Variants in SUCLG2 observed in about 807,000 individuals in gnomAD.
The protein encoded by SUCLG2 is succinate-CoA ligase GDP-forming subunit beta, also known as succinate--CoA ligase [GDP-forming] subunit beta, mitochondrial.
A neutral mutation model predicts 47.9 loss-of-function variants in SUCLG2; 42 were observed. That is an observed-to-expected ratio of 0.88 (90% CI 0.69 to 1.14). SUCLG2 has a LOEUF of 1.14. Among genes scored for constraint, SUCLG2 ranks in the 50% most tolerant of loss-of-function variants. The pLI, the probability that SUCLG2 is intolerant of heterozygous loss-of-function variation, is 0.00. For missense variants in SUCLG2, 571 were observed against 525.9 expected (o/e 1.09, Z -0.84); for synonymous variants, 195 against 197.3 (o/e 0.99, Z 0.10).
At chr3:67,652,419 T>C (rs1368749301) in intron 1 of SUCLG2, among the ~76,000 whole-genome samples, 1 of 152,146 alleles carries the variant, frequency 6.6e-6, no homozygotes, top group East Asian at 1.9e-4. Flanking sequence ...TTCTTAAGTA[T>C]GATGAGAGAA....
intron 6 of SUCLG2, among the ~76,000 whole-genome samples, chr3:67,517,684 C>G: frequency 6.6e-6 from 1 of 152,198 alleles, no homozygotes; most frequent in East Asian, 1.9e-4. Context: ...ATATTTTAAG[C>G]TGTTCTCAAT....
chr3:67,650,263 G>A (rs116543245), intron 1 of SUCLG2, among the ~76,000 whole-genome samples: 3,403 of 152,286 alleles, frequency 0.022, 118 homozygotes, highest in African/African-American at 0.078. Flanking sequence ...ATAACCTTTA[G>A]TCCTTCACTT....
chr3:67,405,275 T>G (rs929529972), intron 9 of SUCLG2, among the ~76,000 whole-genome samples: 16 of 152,200 alleles, frequency 1.1e-4, no homozygotes, highest in African/African-American at 3.4e-4. Flanking sequence ...GTGTTTTGCT[T>G]TGCAAAACAC....
chr3:67,639,180 A>C (rs1237380793), intron 1 of SUCLG2, among the ~76,000 whole-genome samples: 1 of 152,212 alleles, frequency 6.6e-6, no homozygotes, highest in Non-Finnish European at 1.5e-5. Context: ...ACATTCGAAA[A>C]AAATGTATAT....
chr3:67,454,186 C>A (rs1704125179), intron 9 of SUCLG2, among the ~76,000 whole-genome samples: 1 of 152,130 alleles, frequency 6.6e-6, no homozygotes, highest in Non-Finnish European at 1.5e-5. Flanking sequence ...CATTCTAAAT[C>A]ATGAGCTCTT....
chr3:67,394,147 C>A (rs1284155185), intron 10 of SUCLG2, among the ~76,000 whole-genome samples: 14 of 152,278 alleles, frequency 9.2e-5, no homozygotes, highest in Admixed American at 2.0e-4. Context: ...AGTTCCTCAC[C>A]AGCAACAGAA....
chr3:67,577,338 T>G (rs1437935407), intron 2 of SUCLG2, among the ~76,000 whole-genome samples: 3 of 151,908 alleles, frequency 2.0e-5, no homozygotes, highest in Non-Finnish European at 4.4e-5. Context: ...GTGCTTATAC[T>G]GAAGTTACAA....
At position 67,403,653 on chromosome 3, in the gene SUCLG2, T is replaced by C. The variant is rs994030748; in HGVS notation, c.1063-2802A>G. Among the ~76,000 whole-genome samples, 14 of 152,060 alleles carry C rather than the reference T, an allele frequency of 9.2e-5. No homozygotes were observed. The South Asian group carries it at 2.9e-3, about 32-fold the overall frequency. On this transcript the variant is annotated intron_variant, in intron 9 of 10. Coordinates refer to ENST00000307227, the MANE Select transcript of SUCLG2 (RefSeq NM_003848.4). ...GAGGCGGTGATGCAGGCTGCTGACATGACAGAGGATTTTTGGAATAGGTGA... is the reference window on the plus strand; with the variant it reads ...GAGGCGGTGATGCAGGCTGCTGACACGACAGAGGATTTTTGGAATAGGTGA...
At chr3:67,433,169 C>A (rs1703530403) in intron 9 of SUCLG2, among the ~76,000 whole-genome samples, 1 of 152,012 alleles carries the variant, frequency 6.6e-6, no homozygotes, top group African/African-American at 2.4e-5. Context: ...TTCAAAATAG[C>A]CCTTCTATAA....
chr3:67,374,608 C>A, downstream of SUCLG2: 1 of 284,768 alleles, frequency 3.5e-6, no homozygotes, highest in Non-Finnish European at 5.3e-6. Flanking sequence ...CTGGAATGAC[C>A]CAAATTATCA....
intron 1 of SUCLG2, among the ~76,000 whole-genome samples, chr3:67,612,452 C>A (rs1042536854): frequency 3.3e-5 from 5 of 151,906 alleles, no homozygotes; most frequent in African/African-American, 1.2e-4. Context: ...AAGAAATCTG[C>A]TATGCAAATG....
At chr3:67,498,491 G>A (rs1246029879) in intron 7 of SUCLG2, among the ~76,000 whole-genome samples, 196 bp from the exon 8 acceptor site, 1 of 152,036 alleles carries the variant, frequency 6.6e-6, no homozygotes. Context: ...AGGGACTTAC[G>A]TTCTAGTAAA....
chr3:67,645,789 T>G (rs751369589), intron 1 of SUCLG2, among the ~76,000 whole-genome samples: 1 of 151,748 alleles, frequency 6.6e-6, no homozygotes, highest in African/African-American at 2.4e-5. Context: ...CTATGAGAAC[T>G]GGTTTTCCCC....
At chr3:67,514,264 A>G in intron 6 of SUCLG2, 1 of 427,786 alleles carries the variant, frequency 2.3e-6, no homozygotes, top group Non-Finnish European at 4.7e-6. Context: ...TGACAGGAAT[A>G]GGAAAGAAAA....
In SUCLG2 at chr3:67,645,644, A is replaced by G. The variant is rs1173298478; in HGVS notation, c.84+8859T>C. The stretch of plus-strand genomic sequence containing the variant: ...TTCAATTTTAATGATACATCACTTT[A>G]AAAGAGCCCTGAATCTTAACAAAGA... On this transcript the variant is annotated intron_variant, in intron 1 of 10. Coordinates refer to ENST00000307227, the MANE Select transcript of SUCLG2 (RefSeq NM_003848.4). Among the ~76,000 whole-genome samples, 4 of 152,194 alleles carry G rather than the reference A, an allele frequency of 2.6e-5. No homozygotes were observed. The East Asian group carries it at 7.8e-4, about 30-fold the overall frequency.
chr3:67,524,626 T>A (rs1706206060), intron 4 of SUCLG2, among the ~76,000 whole-genome samples: 1 of 152,204 alleles, frequency 6.6e-6, no homozygotes, highest in Admixed American at 6.5e-5. Context: ...AAATTTAGAA[T>A]CAAAAGGTTC....
At chr3:67,506,092 A>G (rs188993876) in intron 7 of SUCLG2, among the ~76,000 whole-genome samples, 231 of 152,334 alleles carry the variant, frequency 1.5e-3, no homozygotes, top group Non-Finnish European at 2.7e-3. Context: ...CAATGTGGAA[A>G]TTTTACCGTG....
At chr3:67,592,718 C>CAAAAAAAAAAA (rs754866312) in intron 2 of SUCLG2, among the ~76,000 whole-genome samples, 37 of 80,230 alleles carry the variant, frequency 4.6e-4, no homozygotes, top group African/African-American at 1.7e-3. Context: ...TCACATCCTC[C>CAAAAAAAAAAA]AAAAAAAAAA....
At chr3:67,559,942 T>C (rs544255892) in intron 2 of SUCLG2, among the ~76,000 whole-genome samples, 21 of 151,728 alleles carry the variant, frequency 1.4e-4, no homozygotes, top group Admixed American at 1.3e-3. Flanking sequence ...GTGGGGGATG[T>C]TGGTATTGGG....
Sources: allele counts gnomAD v4.1 joint callset (sites outside exome capture counted in the v4.1 genomes callset), GRCh38; gene constraint gnomAD v4.1.1; transcripts MANE v1.5; gene names NCBI Gene and HGNC (gene_info 2026-07-23, HGNC 2026-07-21).